ESRRG: variants seen among roughly 807,000 people sequenced by gnomAD.
The protein encoded by ESRRG is estrogen-related receptor gamma.
A neutral mutation model predicts 44.0 loss-of-function variants in ESRRG; 13 were observed. That is an observed-to-expected ratio of 0.30 (90% CI 0.19 to 0.47). The LOEUF (loss-of-function observed/expected upper bound fraction) is 0.47, where lower values mean the gene tolerates loss of function less well. ESRRG is among the 20% of genes least tolerant of loss of function. The pLI is 1.00. For synonymous variants in ESRRG, 215 were observed against 214.6 expected (o/e 1.00, Z -0.02); for missense variants, 395 against 580.6 (o/e 0.68, Z 3.29).
chr1:216,913,995 C>T (rs1010404236), intron 2 of ESRRG, among the ~76,000 whole-genome samples: 7 of 152,198 alleles, frequency 4.6e-5, no homozygotes, highest in East Asian at 1.9e-4. Context: ...ATTATTTTTG[C>T]AAACAGAAAT....
intron 5 of ESRRG, among the ~76,000 whole-genome samples, chr1:216,527,094 T>C (rs1249446933): frequency 6.6e-6 from 1 of 152,200 alleles, no homozygotes; most frequent in Non-Finnish European, 1.5e-5. Flanking sequence ...ATCCTTGTCA[T>C]CTAAGATTTT....
At chr1:216,514,900 T>C (rs1447104661) in intron 6 of ESRRG, among the ~76,000 whole-genome samples, 3 of 151,948 alleles carry the variant, frequency 2.0e-5, no homozygotes, top group Non-Finnish European at 4.4e-5. Context: ...CTCCAGAATA[T>C]CAAATCAACT....
At chr1:216,535,119 T>C (rs2050554002) in intron 5 of ESRRG, among the ~76,000 whole-genome samples, 1 of 152,090 alleles carries the variant, frequency 6.6e-6, no homozygotes, top group Non-Finnish European at 1.5e-5. Context: ...TTGGTTGAAG[T>C]GACATCAAGT....
At chr1:217,019,794 T>C (rs2080008867) in intron 1 of ESRRG, among the ~76,000 whole-genome samples, 1 of 152,244 alleles carries the variant, frequency 6.6e-6, no homozygotes, top group African/African-American at 2.4e-5. Flanking sequence ...TCATCTTCCA[T>C]GACTAGTATA....
At chr1:216,891,470 A>G (rs759222092) in intron 2 of ESRRG, among the ~76,000 whole-genome samples, 3 of 152,252 alleles carry the variant, frequency 2.0e-5, no homozygotes, top group Non-Finnish European at 2.9e-5. Flanking sequence ...ACACGCACAC[A>G]TACGTGAGCA....
intron 2 of ESRRG, among the ~76,000 whole-genome samples, chr1:216,908,217 T>G (rs1197959171): frequency 6.6e-6 from 1 of 152,242 alleles, no homozygotes; most frequent in Non-Finnish European, 1.5e-5. Flanking sequence ...GGATGAGGTC[T>G]GCCCACTGTG....
intron 1 of ESRRG, among the ~76,000 whole-genome samples, chr1:216,705,081 T>C (rs1031900429): frequency 6.6e-6 from 1 of 152,198 alleles, no homozygotes; most frequent in Non-Finnish European, 1.5e-5. Context: ...AAATGACTTG[T>C]TTGACTCTAG....
intron 2 of ESRRG, among the ~76,000 whole-genome samples, chr1:216,909,331 G>T (rs991363383): frequency 9.2e-5 from 14 of 152,108 alleles, no homozygotes; most frequent in African/African-American, 3.4e-4. Flanking sequence ...GTCTATGAAA[G>T]TAAGAGCACA....
chr1:216,955,268 C>T (rs1283745756), intron 1 of ESRRG, among the ~76,000 whole-genome samples: 1 of 152,102 alleles, frequency 6.6e-6, no homozygotes, highest in Non-Finnish European at 1.5e-5. Context: ...CTTTTAATCT[C>T]CCATGTGTAA....
intron 2 of ESRRG, among the ~76,000 whole-genome samples, chr1:216,654,064 A>C (rs2069736305): frequency 6.6e-6 from 1 of 151,828 alleles, no homozygotes; most frequent in Non-Finnish European, 1.5e-5. Flanking sequence ...CGGAGGTTTC[A>C]GTGAGCCAAG....
At chr1:216,564,165 A>C in intron 5 of ESRRG, 54 bp downstream of exon 5, 1 of 1,167,142 alleles carries the variant, frequency 8.6e-7, no homozygotes. Context: ...TATATACATA[A>C]CCTAGGGAAT....
intron 2 of ESRRG, among the ~76,000 whole-genome samples, chr1:216,825,618 A>C (rs2095378052): frequency 6.6e-6 from 1 of 152,146 alleles, no homozygotes; most frequent in Admixed American, 6.5e-5. Context: ...GAAATAAGTT[A>C]ATAAATGCAC....
At chr1:216,548,000 A>G (rs1199648785) in intron 5 of ESRRG, among the ~76,000 whole-genome samples, 4 of 152,070 alleles carry the variant, frequency 2.6e-5, no homozygotes, top group Admixed American at 6.6e-5. Context: ...GCTGCTATAT[A>G]TGGGGTTCCT....
intron 1 of ESRRG, among the ~76,000 whole-genome samples, chr1:217,019,953 G>A (rs1028006938): frequency 6.6e-6 from 1 of 152,120 alleles, no homozygotes. Flanking sequence ...TGGAGTTAGG[G>A]CATGGTACTT....
intron 1 of ESRRG, among the ~76,000 whole-genome samples, chr1:217,076,390 C>T (rs975030144): frequency 1.1e-4 from 17 of 152,120 alleles, no homozygotes; most frequent in East Asian, 3.9e-4. Context: ...AAACAAACCA[C>T]GAGGTTAGCA....
chr1:216,888,150 T>C (rs1231313573), intron 2 of ESRRG, among the ~76,000 whole-genome samples: 1 of 152,224 alleles, frequency 6.6e-6, no homozygotes, highest in African/African-American at 2.4e-5. Flanking sequence ...TTTACTTCTA[T>C]TTCAAGAAGG....
At chr1:216,779,305 C>T (rs1465040250) in intron 2 of ESRRG, among the ~76,000 whole-genome samples, 554 of 17,200 alleles carry the variant, frequency 0.032, 33 homozygotes, top group African/African-American at 0.11. Flanking sequence ...TATTTATAAA[C>T]ATTATATTTA....
chr1:216,689,705 C>T, intron 1 of ESRRG, among the ~76,000 whole-genome samples: 1 of 151,866 alleles, frequency 6.6e-6, no homozygotes, highest in African/African-American at 2.4e-5. Flanking sequence ...AACTTGAGAC[C>T]TGAATAAATA....
intron 3 of ESRRG, among the ~76,000 whole-genome samples, chr1:216,626,653 G>A (rs536950721): frequency 7.9e-5 from 12 of 152,290 alleles, no homozygotes; most frequent in Admixed American, 3.3e-4. Flanking sequence ...GCCACATTTG[G>A]TGCATTCCTC....
Sources: allele counts gnomAD v4.1 joint callset (sites outside exome capture counted in the v4.1 genomes callset), GRCh38; gene constraint gnomAD v4.1.1; transcripts MANE v1.5; gene names NCBI Gene and HGNC (gene_info 2026-07-23, HGNC 2026-07-21).